RNF216: variants seen among roughly 807,000 people sequenced by gnomAD.
RNF216 encodes the protein E3 ubiquitin-protein ligase RNF216.
RNF216 carries 72 observed loss-of-function variants against 110.8 expected under a neutral mutation model. The ratio of observed to expected loss-of-function variants is 0.65; its 90% CI spans 0.54 to 0.79. The LOEUF is 0.79. Among genes scored for constraint, RNF216 ranks in the 30% least tolerant of loss-of-function variants. The pLI, the probability that RNF216 is intolerant of heterozygous loss-of-function variation, is 0.00. For missense variants in RNF216, 1,342 were observed against 1,141.2 expected (o/e 1.18, Z -2.54); for synonymous variants, 495 against 407.5 (o/e 1.21, Z -2.59).
intron 13 of RNF216, among the ~76,000 whole-genome samples, chr7:5,663,714 C>A (rs1052752057): frequency 3.3e-5 from 5 of 149,570 alleles, no homozygotes; most frequent in Non-Finnish European, 7.4e-5. Flanking sequence ...GCCTGGCCAA[C>A]ATAGTGAACC....
intron 1 of RNF216, among the ~76,000 whole-genome samples, chr7:5,763,841 G>A (rs1479956520): frequency 6.6e-6 from 1 of 152,096 alleles, no homozygotes; most frequent in Non-Finnish European, 1.5e-5. Context: ...CCAAAGTGCT[G>A]CGATTACAGG....
chr7:5,780,291 ATGTGAGGGCCAC>A (rs1427053156), intron 1 of RNF216: 1 of 152,172 alleles, frequency 6.6e-6, no homozygotes, highest in Non-Finnish European at 1.5e-5. Context: ...AGCCAGGTGC[ATGTGAGGGCCAC>A]TGTGAGGCCC....
At chr7:5,623,271 G>C (rs1467992625) in intron 16 of RNF216, 92 bp from the exon 17 acceptor site, 2 of 1,195,302 alleles carry the variant, frequency 1.7e-6, no homozygotes, top group African/African-American at 1.5e-5. Flanking sequence ...CTGGACACGG[G>C]AGTGGCTCCA....
intron 13 of RNF216, among the ~76,000 whole-genome samples, chr7:5,668,512 C>T (rs1052790238): frequency 1.3e-5 from 2 of 152,210 alleles, no homozygotes; most frequent in South Asian, 2.1e-4. Flanking sequence ...TGTGAGCCAC[C>T]GTGCCAGGCC....
intron 14 of RNF216, among the ~76,000 whole-genome samples, chr7:5,646,938 G>C (rs983354849): frequency 2.6e-5 from 4 of 152,132 alleles, no homozygotes; most frequent in Admixed American, 2.0e-4. Flanking sequence ...TGAAAGCCTA[G>C]GGTCTTGGGT....
chr7:5,745,870 T>G (rs1795003974), intron 3 of RNF216, among the ~76,000 whole-genome samples: 1 of 133,406 alleles, frequency 7.5e-6, no homozygotes. Flanking sequence ...CACTCCAGCC[T>G]GGGTGATAGA....
chr7:5,665,560 C>T (rs971234952), intron 13 of RNF216, among the ~76,000 whole-genome samples: 1 of 151,738 alleles, frequency 6.6e-6, no homozygotes, highest in African/African-American at 2.4e-5. Flanking sequence ...CTAATGCTGC[C>T]CCCTAGGGAT....
intron 1 of RNF216, among the ~76,000 whole-genome samples, chr7:5,768,107 GTA>G (rs1158336069): frequency 6.6e-6 from 1 of 151,840 alleles, no homozygotes; most frequent in African/African-American, 2.4e-5. Context: ...CAATGGAGGA[GTA>G]TCATTTGGAA....
At chr7:5,634,061 C>A (rs368356343) in intron 15 of RNF216, among the ~76,000 whole-genome samples, 1 of 152,240 alleles carries the variant, frequency 6.6e-6, no homozygotes, top group Non-Finnish European at 1.5e-5. Flanking sequence ...CACAGGCTGA[C>A]TGTTCCCAAA....
chr7:5,666,493 A>G, intron 13 of RNF216: 1 of 152,506 alleles, frequency 6.6e-6, no homozygotes, highest in Non-Finnish European at 1.5e-5. Context: ...CAGAGCTGTA[A>G]GGTGGAGAGG....
chr7:5,742,021 T>C (rs369658960), intron 3 of RNF216, among the ~76,000 whole-genome samples: 1 of 152,146 alleles, frequency 6.6e-6, no homozygotes, highest in Non-Finnish European at 1.5e-5. Context: ...ATTCATAGAT[T>C]AAAGCTTGAG....
At chr7:5,713,274 C>T (rs1792831063) in intron 11 of RNF216, 1 of 158,732 alleles carries the variant, frequency 6.3e-6, no homozygotes, top group Non-Finnish European at 1.4e-5. Context: ...AAACTGAAAA[C>T]AGGGACATGG....
intron 9 of RNF216, among the ~76,000 whole-genome samples, chr7:5,718,413 C>T (rs924424269): frequency 6.6e-6 from 1 of 152,144 alleles, no homozygotes; most frequent in East Asian, 1.9e-4. Context: ...GAGAAAGGGA[C>T]AGCACAAAAG....
At chr7:5,658,675 A>AAT (rs1264793663) in intron 13 of RNF216, among the ~76,000 whole-genome samples, 2 of 146,896 alleles carry the variant, frequency 1.4e-5, no homozygotes, top group African/African-American at 5.2e-5. Flanking sequence ...AAAAAAAAAA[A>AAT]TTTTTTTAAC....
At chr7:5,765,030 C>G (rs1358516965) in intron 1 of RNF216, among the ~76,000 whole-genome samples, 2 of 150,112 alleles carry the variant, frequency 1.3e-5, no homozygotes, top group Non-Finnish European at 3.0e-5. Flanking sequence ...ATGACCAACC[C>G]ACTGCACTCC....
chr7:5,731,661 G>T (rs1794098630), intron 5 of RNF216, among the ~76,000 whole-genome samples: 1 of 151,346 alleles, frequency 6.6e-6, no homozygotes, highest in Non-Finnish European at 1.5e-5. Context: ...TCTTTGCTCG[G>T]AGGGTAATGG....
rs1793954402 is a variant in RNF216, at chr7:5,729,427, A to G, written c.1389+5T>C. On this transcript the variant is annotated splice_donor_5th_base_variant and intron_variant, in intron 7 of 16. Coordinates refer to ENST00000389902, the MANE Select transcript of RNF216 (RefSeq NM_207111.4). ...TGACCCCAACAGGAAGACCAAGTAG[A>G]GTACCTTTCGGGTGATTGCATAGTG... 6.2e-7 allele frequency: 1 copy of G among 1,613,920 alleles called. No homozygotes were observed.
intron 1 of RNF216, among the ~76,000 whole-genome samples, chr7:5,773,027 G>A (rs1562482279): frequency 1.3e-5 from 2 of 152,016 alleles, no homozygotes; most frequent in Non-Finnish European, 2.9e-5. Context: ...TGATCCACAC[G>A]CCTCAGCCTC....
At chr7:5,747,418 G>T (rs533178249) in intron 3 of RNF216, among the ~76,000 whole-genome samples, 1 of 152,288 alleles carries the variant, frequency 6.6e-6, no homozygotes, top group Non-Finnish European at 1.5e-5. Context: ...TGATATTCAG[G>T]ACCTGACAAG....
Sources: gnomAD v4.1 joint callset for allele counts (sites outside exome capture counted in the v4.1 genomes callset) on GRCh38, gnomAD v4.1.1 for gene constraint, MANE v1.5 for transcripts, NCBI Gene and HGNC (gene_info 2026-07-23, HGNC 2026-07-21) for gene names.